The following MYO5B variants were observed in gnomAD, a reference collection of about 807,000 sequenced individuals.
MYO5B encodes unconventional myosin-Vb.
In MYO5B, 143 loss-of-function variants were observed where a neutral mutation model predicts 229.3. That is an observed-to-expected ratio of 0.62 (90% CI 0.54 to 0.72). The LOEUF is 0.72. MYO5B is among the 30% of genes least tolerant of loss of function. The probability of loss-of-function intolerance (pLI) is 0.00; values close to 1 mark genes in which losing one functional copy is unlikely to be tolerated. For synonymous variants in MYO5B, 918 were observed against 885.2 expected, an observed-to-expected ratio of 1.04 and a Z score of -0.66; for missense variants, 2,321 against 2,331.0, an observed-to-expected ratio of 1.00 and a Z score of 0.09.
rs573645382 is a variant in MYO5B at position 50,031,160 on chromosome 18, C to T, written c.455+5690G>A. Among the ~76,000 whole-genome samples, 20 of 152,138 alleles carry T rather than the reference C, an allele frequency of 1.3e-4. No individual in the cohort carries two copies. The East Asian group carries it at 3.7e-3, about 28-fold the overall frequency. On this transcript the variant is annotated intron_variant, in intron 4 of 39. Transcript: ENST00000285039. ...CTAATGCAGGAAGCTCTGGGGCAAA[C>T]AGATTGGGTCTAAATTCCATTGCTA...
chr18:49,945,711 A>T (rs2144229958), intron 14 of MYO5B, among the ~76,000 whole-genome samples: 1 of 151,246 alleles, frequency 6.6e-6, no homozygotes, highest in Non-Finnish European at 1.5e-5. Flanking sequence ...TGAACTAAAC[A>T]CTGAGAGTGG....
Position 49,906,480 on chromosome 18 carries a change from G to T in MYO5B, c.2353C>A (p.His785Asn). The T allele has an allele frequency of 6.2e-7, 1 of 1,614,188 alleles. No homozygotes were observed. The highest frequency in any genetic ancestry group is 8.5e-7 in the Non-Finnish European group (1 of 1,180,040). Reference protein sequence around the residue: ...VRGWLQKVKYHRLKGATLTLQ... With the variant: ...VRGWLQKVKYNRLKGATLTLQ... The stretch of plus-strand genomic sequence containing the variant: ...GTTAAGGTAGCCCCCTTCAGCCTGT[G>T]ATATTTCACCTTCTGCAGCCATCCC... Residue 785 changes from histidine to asparagine, a missense_variant, in exon 19 of 40, where the codon CAC becomes AAC. His to Asn is a moderately conservative substitution (Grantham distance 68, BLOSUM62 1). This residue lies in a region of MYO5B where 2,113 missense variants were observed against 2,044.7 expected (regional missense o/e 1.03). Coordinates refer to ENST00000285039, the MANE Select transcript of MYO5B (RefSeq NM_001080467.3).
chr18:50,038,892 C>A (rs2029914645), intron 3 of MYO5B, among the ~76,000 whole-genome samples: 1 of 152,124 alleles, frequency 6.6e-6, no homozygotes, highest in Admixed American at 6.5e-5. Context: ...CAGTTTGTTT[C>A]AAATAAAACT....
intron 22 of MYO5B, among the ~76,000 whole-genome samples, chr18:49,892,988 A>T (rs1329046397): frequency 6.6e-6 from 1 of 152,228 alleles, no homozygotes; most frequent in Non-Finnish European, 1.5e-5. Context: ...TATCATTGCT[A>T]GGGAAGAGTA....
chr18:49,854,814 T>C (rs181543687), intron 30 of MYO5B, among the ~76,000 whole-genome samples: 145 of 152,248 alleles, frequency 9.5e-4, no homozygotes, highest in Non-Finnish European at 1.2e-3. Context: ...GGTGGGACCA[T>C]GTCTACAAGG....
chr18:49,955,583 A>G (rs373513064), intron 12 of MYO5B, among the ~76,000 whole-genome samples: 2 of 152,238 alleles, frequency 1.3e-5, no homozygotes, highest in South Asian at 4.1e-4. Context: ...AAATGCTTAC[A>G]TACTTGGGAA....
intron 1 of MYO5B, among the ~76,000 whole-genome samples, chr18:50,069,121 A>T (rs72915755): frequency 0.13 from 20,160 of 151,930 alleles, 1,436 homozygotes; most frequent in East Asian, 0.23. Flanking sequence ...GAGTCCAAAA[A>T]CTGTCCTGGG....
intron 21 of MYO5B, among the ~76,000 whole-genome samples, chr18:49,899,920 T>C (rs2024821425): frequency 2.2e-5 from 2 of 91,740 alleles, no homozygotes; most frequent in Non-Finnish European, 4.8e-5. Context: ...GGCAAAAAGC[T>C]TTTTTTATTT....
At chr18:49,872,755 G>A (rs549752836) in intron 26 of MYO5B, among the ~76,000 whole-genome samples, 6 of 152,186 alleles carry the variant, frequency 3.9e-5, no homozygotes, top group African/African-American at 9.7e-5. Flanking sequence ...ATGGGAAGTT[G>A]AGAGAAAGGC....
intron 22 of MYO5B, among the ~76,000 whole-genome samples, chr18:49,894,669 A>G (rs1041077656): frequency 2.0e-5 from 3 of 152,202 alleles, no homozygotes; most frequent in Admixed American, 6.5e-5. Context: ...GCCTAATTCT[A>G]GACCATAAAA....
intron 12 of MYO5B, among the ~76,000 whole-genome samples, chr18:49,958,803 C>G (rs548099137): frequency 6.6e-6 from 1 of 152,330 alleles, no homozygotes; most frequent in East Asian, 1.9e-4. Flanking sequence ...CCTCTCCCTG[C>G]TGAGCTCCTG....
intron 1 of MYO5B, among the ~76,000 whole-genome samples, chr18:50,065,653 G>C (rs1598993492): frequency 1.3e-5 from 2 of 152,204 alleles, no homozygotes; most frequent in Middle Eastern, 6.8e-3. Context: ...ATTTGGGTTG[G>C]GGTACAGAGC....
chr18:50,152,052 A>C (rs1363296319), intron 1 of MYO5B, among the ~76,000 whole-genome samples: 4 of 152,220 alleles, frequency 2.6e-5, no homozygotes, highest in Non-Finnish European at 5.9e-5. Flanking sequence ...TGAATTACGT[A>C]AACAAGAGTG....
chr18:50,039,574 G>T (rs1006294875), intron 3 of MYO5B, among the ~76,000 whole-genome samples: 1 of 152,070 alleles, frequency 6.6e-6, no homozygotes, highest in Non-Finnish European at 1.5e-5. Flanking sequence ...CTCGTGATCC[G>T]CCCGCCTCGG....
intron 12 of MYO5B, among the ~76,000 whole-genome samples, chr18:49,960,202 A>T (rs913466401): frequency 1.3e-5 from 2 of 152,216 alleles, no homozygotes; most frequent in South Asian, 4.1e-4. Flanking sequence ...CTGCTTCTGC[A>T]CCATGAGTCC....
Position 50,051,008 on chromosome 18 carries a change from A to G in MYO5B, c.138+4260T>C, listed in dbSNP as rs116078809. Among the ~76,000 whole-genome samples the G allele has an allele frequency of 2.2e-3, 330 of 152,344 alleles. 1 individual carries two copies. The highest frequency in any genetic ancestry group is 7.4e-3 in the African/African-American group (308 of 41,574). ...TGACAGAGGAGGAATGCTTTGCAAT[A>G]CTGAACAATTCATACTACTCTTATG... is the stretch of plus-strand genomic sequence containing the variant. On this transcript the variant is annotated intron_variant, in intron 2 of 39. Transcript: ENST00000285039.
intron 1 of MYO5B, among the ~76,000 whole-genome samples, chr18:50,124,892 T>C (rs1471225585): frequency 2.0e-5 from 3 of 152,150 alleles, no homozygotes; most frequent in African/African-American, 7.2e-5. Context: ...CCCACTTTAA[T>C]TTCCCCAGAC....
intron 1 of MYO5B, among the ~76,000 whole-genome samples, chr18:50,095,732 C>T (rs2031537582): frequency 6.6e-6 from 1 of 152,204 alleles, no homozygotes; most frequent in South Asian, 2.1e-4. Context: ...TCTAACCACC[C>T]ATGTGAGAAA....
intron 29 of MYO5B, among the ~76,000 whole-genome samples, chr18:49,862,408 AAGTCCCTTAC>A (rs2024342258): frequency 6.6e-6 from 1 of 152,190 alleles, no homozygotes; most frequent in Non-Finnish European, 1.5e-5. Flanking sequence ...GCACTGTCCT[AAGTCCCTTAC>A]ACAGGTGATA....
Sources: allele counts gnomAD v4.1 joint callset (sites outside exome capture counted in the v4.1 genomes callset), GRCh38; gene constraint gnomAD v4.1.1; regional missense constraint gnomAD v4.1.1; transcripts MANE v1.5; gene names NCBI Gene and HGNC (gene_info 2026-07-23, HGNC 2026-07-21).